Variants in KLHL11 observed in about 807,000 individuals in gnomAD.
KLHL11 encodes the protein kelch like family member 11.
A neutral mutation model predicts 56.1 loss-of-function variants in KLHL11; 26 were observed. The ratio of observed to expected loss-of-function variants is 0.46; its 90% CI spans 0.34 to 0.64. KLHL11 has a LOEUF of 0.64. Among genes scored for constraint, KLHL11 ranks in the 30% least tolerant of loss-of-function variants. The probability of loss-of-function intolerance (pLI) is 0.01; values close to 1 mark genes in which losing one functional copy is unlikely to be tolerated. For synonymous variants in KLHL11, 338 were observed against 345.8 expected, an observed-to-expected ratio of 0.98 and a Z score of 0.25; for missense variants, 627 against 919.4, an observed-to-expected ratio of 0.68 and a Z score of 4.11.
intron 1 of KLHL11, among the ~76,000 whole-genome samples, chr17:41,859,831 A>T (rs182281509): frequency 4.1e-4 from 62 of 152,186 alleles, no homozygotes; most frequent in Middle Eastern, 3.4e-3. Context: ...AGTTTAATTT[A>T]AAAAAACCAC....
At position 41,853,556 on chromosome 17, in the gene KLHL11, C is replaced by A. The variant is rs1482043446; in HGVS notation, c.*184G>T. 3.3e-6 allele frequency: 2 copies of A among 607,024 alleles called. No individual in the cohort carries two copies. The highest frequency in any genetic ancestry group is 2.6e-6 in the Non-Finnish European group (1 of 387,476). The allele number at this position is 607,024 out of a possible 1,614,324, so 37.6% of individuals were successfully genotyped here. A position where few individuals can be genotyped will look rare whatever the true frequency, so the allele number is the denominator to read the frequency against. ...ACCAAAGACAAAAATTGCAAGCTAA[C>A]AAAATGACCATGTATTGAACTGAGT... is the stretch of plus-strand genomic sequence containing the variant. On this transcript the variant is annotated 3_prime_UTR_variant, in exon 2 of 2. Coordinates refer to ENST00000319121, the MANE Select transcript of KLHL11 (RefSeq NM_018143.3).
intron 1 of KLHL11, among the ~76,000 whole-genome samples, chr17:41,856,310 T>A (rs898357835): frequency 2.0e-4 from 31 of 152,058 alleles, no homozygotes; most frequent in African/African-American, 6.5e-4. Flanking sequence ...TTTAAAAAAA[T>A]TATTATTTTT....
chr17:41,855,574 T>C (rs1177628856), intron 1 of KLHL11, among the ~76,000 whole-genome samples: 1 of 152,170 alleles, frequency 6.6e-6, no homozygotes, highest in Non-Finnish European at 1.5e-5. Flanking sequence ...TTCACCATAT[T>C]GGCCAGGCTG....
intron 1 of KLHL11, among the ~76,000 whole-genome samples, chr17:41,856,238 C>T (rs1555622548): frequency 6.6e-6 from 1 of 152,194 alleles, no homozygotes; most frequent in African/African-American, 2.4e-5. Context: ...CATCCACCCA[C>T]CTCAGCCTCT....
rs782735747 is a variant in KLHL11, at chr17:41,854,337, A to G, written c.1530T>C (p.Thr510=). The G allele has an allele frequency of 6.2e-7, 1 of 1,614,188 alleles. No individual in the cohort carries two copies. The highest frequency in any genetic ancestry group is 8.5e-7 in the Non-Finnish European group (1 of 1,180,044). ...CATCTTCAGTGTCCCGGTCTACAGG[A>G]GTGCGGGCGGCAATGTATACAAACC... The part of the protein sequence containing the change: ...EDRFVYIAAR[T]PVDRDTEDGL... The change falls in exon 2 of 2, where the codon ACT becomes ACC. Residue 510 remains threonine, a synonymous_variant. Coordinates refer to ENST00000319121, the MANE Select transcript of KLHL11 (RefSeq NM_018143.3). This position sits in a 1 kb window ranked among gnomAD's most constrained non-coding sequence, Gnocchi z 4.9.
chr17:41,862,699 C>T (rs1306830953), intron 1 of KLHL11, among the ~76,000 whole-genome samples: 2 of 152,150 alleles, frequency 1.3e-5, no homozygotes, highest in Non-Finnish European at 2.9e-5. Flanking sequence ...TTCGCCCAGC[C>T]GGCTATTTTA....
At position 41,865,417 on chromosome 17, in the gene KLHL11, T is replaced by C. The variant is rs1555623496; in HGVS notation, c.-47A>G. ...CTCCACAGCCTCGGAACGATGCGGC[T>C]GTTGGTACGACACAGAGGGATTCTG... On this transcript the variant is annotated 5_prime_UTR_variant, in exon 1 of 2. Coordinates refer to ENST00000319121, the MANE Select transcript of KLHL11 (RefSeq NM_018143.3). 1 of 1,198,934 alleles carries C rather than the reference T, an allele frequency of 8.3e-7. No individual in the cohort carries two copies. The highest frequency in any genetic ancestry group is 1.1e-6 in the Non-Finnish European group (1 of 903,652). 74.3% of individuals were successfully genotyped at this position (1,198,934 alleles called of 1,614,324 possible).
chr17:41,865,066 C>T lies in KLHL11; in HGVS notation c.305G>A (p.Gly102Glu). The T allele has an allele frequency of 6.3e-7, 1 of 1,594,700 alleles. No homozygotes were observed. The highest frequency in any genetic ancestry group is 2.3e-5 in the East Asian group (1 of 44,106). The change falls in exon 1 of 2, where the codon GGG becomes GAG. Residue 102 changes from glycine to glutamate, a missense_variant. Around this residue, in one of 4 missense-constraint regions of KLHL11, gnomAD observed 150 missense variants for 215.7 expected, o/e 0.70. Transcript: ENST00000319121. ...GGCCCGGAACTCGCGGCCTCCAGCC[C>T]CGCCGAAGCACAGGGTAATGTCGCA... Reference protein sequence around the residue: ...LFCDITLCFGGAGGREFRAHR... With the variant: ...LFCDITLCFGEAGGREFRAHR...
At position 41,848,892 on chromosome 17, in the gene KLHL11, A is replaced by C. The variant is rs1369181468; in HGVS notation, c.*4848T>G. ...TCTGCAGTCTGTGCTTCAATGTAAG[A>C]CATTCGTAGTGATGGTCACTGAGTA... is the stretch of plus-strand genomic sequence containing the variant. On this transcript the variant is annotated 3_prime_UTR_variant, in exon 2 of 2. Coordinates refer to ENST00000319121, the MANE Select transcript of KLHL11 (RefSeq NM_018143.3). 1 of 152,846 alleles carries C rather than the reference A, an allele frequency of 6.5e-6. No homozygotes were observed. Among genetic ancestry groups the C allele is most frequent in the South Asian group, 2.1e-4 (1 of 4,854 alleles). 9.5% of individuals were successfully genotyped at this position (152,846 alleles called of 1,614,324 possible).
At chr17:41,859,723 GGGCGACATAGTA>G (rs1304884064) in intron 1 of KLHL11, among the ~76,000 whole-genome samples, 1 of 152,118 alleles carries the variant, frequency 6.6e-6, no homozygotes, top group Non-Finnish European at 1.5e-5. Context: ...ACTCCATCCT[GGGCGACATAGTA>G]CAAAGCATGT....
At chr17:41,855,992 C>CAAAA (rs1172790734) in intron 1 of KLHL11, among the ~76,000 whole-genome samples, 1 of 150,132 alleles carries the variant, frequency 6.7e-6, no homozygotes, top group African/African-American at 2.4e-5. Context: ...ATCCCCCCCC[C>CAAAA]AAAAAAAAAC....
intron 1 of KLHL11, among the ~76,000 whole-genome samples, chr17:41,861,704 A>G (rs2048404352): frequency 1.3e-5 from 2 of 151,248 alleles, no homozygotes; most frequent in African/African-American, 4.9e-5. Flanking sequence ...AAAAAAAAAA[A>G]AAAAAAAGAA....
chr17:41,858,419 TGTTG>T (rs1567874598), intron 1 of KLHL11, among the ~76,000 whole-genome samples: 12 of 97,276 alleles, frequency 1.2e-4, no homozygotes, highest in Admixed American at 1.4e-4. Flanking sequence ...TTGTTGTTGT[TGTTG>T]TTGTTGTTGT....
chr17:41,849,275 A>G lies in KLHL11; in HGVS notation c.*4465T>C, dbSNP rs926378168. 9.2e-5 allele frequency: 14 copies of G among 152,208 alleles called. No homozygotes were observed. Among genetic ancestry groups the G allele is most frequent in the Non-Finnish European group, 2.1e-4 (14 of 68,038 alleles). The allele number at this position is 152,208 out of a possible 1,614,324, so 9.4% of individuals were successfully genotyped here. A position where few individuals can be genotyped will look rare whatever the true frequency, so the allele number is the denominator to read the frequency against. On this transcript the variant is annotated 3_prime_UTR_variant, in exon 2 of 2. Coordinates refer to ENST00000319121, the MANE Select transcript of KLHL11 (RefSeq NM_018143.3). ...AATGTGGCCCGTATACTATATTTAA[A>G]CTTAATTTGAGAAAAGTATCAAAAA...
chr17:41,858,256 T>G, intron 1 of KLHL11, among the ~76,000 whole-genome samples: 1 of 144,832 alleles, frequency 6.9e-6, no homozygotes, highest in Non-Finnish European at 1.5e-5. Context: ...CAGATCAGAT[T>G]CTCACCGTTA....
At chr17:41,856,507 C>T (rs372370121) in intron 1 of KLHL11, among the ~76,000 whole-genome samples, 7 of 152,124 alleles carry the variant, frequency 4.6e-5, no homozygotes, top group African/African-American at 1.7e-4. Context: ...TCTCACTTTA[C>T]ACACAAAATC....
chr17:41,855,965 C>T (rs1173019026), intron 1 of KLHL11, among the ~76,000 whole-genome samples: 2 of 149,890 alleles, frequency 1.3e-5, no homozygotes, highest in African/African-American at 4.9e-5. Context: ...TGTGAGCTGC[C>T]ATGCCCGGCC....
At position 41,849,357 on chromosome 17, in the gene KLHL11, TCTC is replaced by T. The variant is rs2048319203; in HGVS notation, c.*4380_*4382del. 2.0e-5 allele frequency: 3 copies of T among 152,024 alleles called. No individual in the cohort carries two copies. The highest frequency in any genetic ancestry group is 7.2e-5 in the African/African-American group (3 of 41,386). The allele number at this position is 152,024 out of a possible 1,614,324, so 9.4% of individuals were successfully genotyped here. ...AAATAACTAAAATATACAAATCAGC[TCTC>T]CTGTCTACATACAGTATAGTGTTGA... On this transcript the variant is annotated 3_prime_UTR_variant, in exon 2 of 2. Coordinates refer to ENST00000319121, the MANE Select transcript of KLHL11 (RefSeq NM_018143.3).
intron 1 of KLHL11, among the ~76,000 whole-genome samples, chr17:41,860,641 G>C (rs1284475261): frequency 6.6e-6 from 1 of 152,076 alleles, no homozygotes; most frequent in South Asian, 2.1e-4. Flanking sequence ...AGGTTTGAGT[G>C]AGTGCAATGA....
Sources: gnomAD v4.1 joint callset for allele counts (sites outside exome capture counted in the v4.1 genomes callset) on GRCh38, gnomAD v4.1.1 for gene constraint, gnomAD v4.1.1 regional missense constraint, Gnocchi (gnomAD v3.1) non-coding constraint, MANE v1.5 for transcripts, NCBI Gene and HGNC (gene_info 2026-07-23, HGNC 2026-07-21) for gene names.